MGRN1: variants seen among roughly 807,000 people sequenced by gnomAD.
The protein encoded by MGRN1 is E3 ubiquitin-protein ligase MGRN1.
MGRN1 carries 29 observed loss-of-function variants against 69.2 expected under a neutral mutation model. The ratio of observed to expected loss-of-function variants is 0.42; its 90% CI spans 0.31 to 0.57. The LOEUF is 0.57. Among genes scored for constraint, MGRN1 ranks in the 20% least tolerant of loss-of-function variants. The pLI is 0.15. For missense variants in MGRN1, 998 were observed against 796.2 expected (o/e 1.25, Z -3.05); for synonymous variants, 470 against 344.2 (o/e 1.37, Z -4.04).
chr16:4,683,082 T>C, intron 14 of MGRN1, 136 bp downstream of exon 14: 1 of 1,494,418 alleles, frequency 6.7e-7, no homozygotes. Context: ...GCTGCGCGGC[T>C]CCTTAGCCTC....
chr16:4,626,098 C>T (rs758220318), intron 1 of MGRN1, among the ~76,000 whole-genome samples: 10 of 152,210 alleles, frequency 6.6e-5, no homozygotes, highest in South Asian at 2.1e-4. Flanking sequence ...GTGAGTTTTA[C>T]GTCCACTCAG....
intron 14 of MGRN1, 116 bp from the exon 15 acceptor site, chr16:4,683,108 C>T (rs2141980644): frequency 2.0e-6 from 3 of 1,515,698 alleles, no homozygotes; most frequent in African/African-American, 2.7e-5. Context: ...GTGGAGGCAG[C>T]ACCCCCTGGT....
intron 16 of MGRN1, among the ~76,000 whole-genome samples, chr16:4,684,153 C>T (rs1007730593): frequency 4.6e-5 from 7 of 152,262 alleles, no homozygotes; most frequent in South Asian, 2.1e-4. Context: ...CTCTTGGGAG[C>T]GGAACCTGCA....
chr16:4,687,203 C>G (rs1430006124), intron 16 of MGRN1: 2 of 939,900 alleles, frequency 2.1e-6, no homozygotes, highest in Non-Finnish European at 2.5e-6. Context: ...GTTGGCATCC[C>G]CCATCCCCCC....
At position 4,689,198 on chromosome 16, in the gene MGRN1, G is replaced by A. The variant is rs1714008782; in HGVS notation, c.*290G>A. The A allele has an allele frequency of 5.4e-6, 2 of 370,572 alleles. No homozygotes were observed. Among genetic ancestry groups the A allele is most frequent in the Non-Finnish European group, 9.6e-6 (2 of 207,664 alleles). 23.0% of individuals were successfully genotyped at this position (370,572 alleles called of 1,614,324 possible). On this transcript the variant is annotated 3_prime_UTR_variant, in exon 17 of 17. Coordinates refer to ENST00000262370, the MANE Select transcript of MGRN1 (RefSeq NM_015246.4). ...TCCTGTGGGCTGAGCGGCTGGGGCT[G>A]GGGCTGCCCACGTGTGGCCTCCGCT...
chr16:4,650,195 CG>C (rs2078370047), intron 1 of MGRN1, 169 bp from the exon 2 acceptor site: 4 of 532,260 alleles, frequency 7.5e-6, no homozygotes, highest in Middle Eastern at 1.0e-3. Flanking sequence ...CCCAGCTACT[CG>C]GGAGGCTGAG....
At chr16:4,647,070 G>C (rs1039041538) in intron 1 of MGRN1, among the ~76,000 whole-genome samples, 1 of 152,262 alleles carries the variant, frequency 6.6e-6, no homozygotes, top group African/African-American at 2.4e-5. Flanking sequence ...ATGGGTCCTG[G>C]GCTGGTCAGC....
intron 7 of MGRN1, 129 bp from the exon 8 acceptor site, chr16:4,668,136 T>C (rs2078847068): frequency 3.2e-6 from 2 of 631,162 alleles, no homozygotes; most frequent in South Asian, 2.6e-5. Flanking sequence ...TTTTTTTTTT[T>C]TTCTTTTTTC....
intron 16 of MGRN1, chr16:4,688,426 C>G (rs963853222): frequency 9.6e-7 from 1 of 1,046,112 alleles, no homozygotes; most frequent in Non-Finnish European, 1.2e-6. Flanking sequence ...CACCCTAACC[C>G]AGCCGTAAGA....
intron 1 of MGRN1, among the ~76,000 whole-genome samples, chr16:4,648,329 GCTCCTCCTCTC>G (rs2078320098): frequency 1.4e-5 from 2 of 141,542 alleles, no homozygotes; most frequent in African/African-American, 2.8e-5. Context: ...TGGTCACCCG[GCTCCTCCTCTC>G]GGGGACTCTT....
At chr16:4,660,632 G>A (rs1018318322) in intron 5 of MGRN1, among the ~76,000 whole-genome samples, 1 of 152,214 alleles carries the variant, frequency 6.6e-6, no homozygotes, top group African/African-American at 2.4e-5. Context: ...GCTCCAGAAA[G>A]CTCTGCCTCC....
rs2141997371 is a variant in MGRN1, at chr16:4,689,772, T to C, written c.*864T>C. 1 of 151,618 alleles carries C rather than the reference T, an allele frequency of 6.6e-6. No homozygotes were observed. Among genetic ancestry groups the C allele is most frequent in the East Asian group, 1.9e-4 (1 of 5,146 alleles). 9.4% of individuals were successfully genotyped at this position (151,618 alleles called of 1,614,324 possible). On this transcript the variant is annotated 3_prime_UTR_variant, in exon 17 of 17. Coordinates refer to ENST00000262370, the MANE Select transcript of MGRN1 (RefSeq NM_015246.4). The stretch of plus-strand genomic sequence containing the variant: ...TCCCCTTGCAGTTCTCTTCTCTTTT[T>C]TTTTTTTTTTGAGATGGAGTTTCAC...
chr16:4,643,191 A>T (rs2078200567), intron 1 of MGRN1, among the ~76,000 whole-genome samples: 1 of 151,752 alleles, frequency 6.6e-6, no homozygotes, highest in African/African-American at 2.4e-5. Flanking sequence ...CGATCTCCTG[A>T]CCTTGTGATC....
In MGRN1 at chr16:4,677,517, C is replaced by A. The variant is rs2079079748; in HGVS notation, c.1010C>A (p.Ser337Tyr). The A allele has an allele frequency of 6.3e-7, 1 of 1,596,622 alleles. No homozygotes were observed. The highest frequency in any genetic ancestry group is 1.1e-5 in the South Asian group (1 of 90,850). Reference protein sequence around the residue: ...RAVRKKPGALSPVSFSPVLAQ... With the variant: ...RAVRKKPGALYPVSFSPVLAQ... ...GTGCGGAAGAAGCCAGGAGCCCTGT[C>A]CCCCGTGTCCTTCAGCCCCGTCCTG... The change falls in exon 11 of 17, where the codon TCC becomes TAC. Residue 337 changes from serine (S) to tyrosine (Y), a missense_variant. By Grantham distance (144) the Ser-to-Tyr change is moderately radical (BLOSUM62 -2). Coordinates refer to ENST00000262370, the MANE Select transcript of MGRN1 (RefSeq NM_015246.4).
Position 4,673,492 on chromosome 16 carries a change from C to G in MGRN1, c.796-6C>G. ...GCTGCTGACCCACAAGCCCTTGTCC[C>G]GGCAGCCCTCGGACGACGAGAACAG... On this transcript the variant is annotated splice_region_variant and splice_polypyrimidine_tract_variant and intron_variant, in intron 9 of 16. Coordinates refer to ENST00000262370, the MANE Select transcript of MGRN1 (RefSeq NM_015246.4). 1 of 1,611,058 alleles carries G rather than the reference C, an allele frequency of 6.2e-7. No homozygotes were observed. Among genetic ancestry groups the G allele is most frequent in the Non-Finnish European group, 8.5e-7 (1 of 1,179,572 alleles).
intron 1 of MGRN1, among the ~76,000 whole-genome samples, chr16:4,637,154 G>C (rs1413893369): frequency 6.7e-6 from 1 of 149,728 alleles, no homozygotes; most frequent in Non-Finnish European, 1.5e-5. Context: ...GAGTGGCCAG[G>C]TTCAGTGGCT....
chr16:4,686,036 T>C (rs1431101642), intron 16 of MGRN1, among the ~76,000 whole-genome samples: 1 of 151,758 alleles, frequency 6.6e-6, no homozygotes, highest in East Asian at 1.9e-4. Flanking sequence ...CAGCGGGAGG[T>C]ATGGGAGGGA....
chr16:4,670,732 C>T (rs903752554), intron 8 of MGRN1, among the ~76,000 whole-genome samples: 1 of 151,980 alleles, frequency 6.6e-6, no homozygotes, highest in Non-Finnish European at 1.5e-5. Flanking sequence ...GTGCAGCAAA[C>T]TCTAGCAGGT....
intron 1 of MGRN1, chr16:4,640,100 C>G (rs963318236): frequency 6.6e-6 from 1 of 152,314 alleles, no homozygotes; most frequent in Non-Finnish European, 1.5e-5. Flanking sequence ...TTCGGAATGT[C>G]CCTGTTTTCC....
Sources: gnomAD v4.1 joint callset for allele counts (sites outside exome capture counted in the v4.1 genomes callset) on GRCh38, gnomAD v4.1.1 for gene constraint, MANE v1.5 for transcripts, NCBI Gene and HGNC (gene_info 2026-07-23, HGNC 2026-07-21) for gene names.